The following AGAP1 variants were observed in gnomAD, a reference collection of about 807,000 sequenced individuals.
AGAP1 encodes arf-GAP with GTPase, ANK repeat and PH domain-containing protein 1.
AGAP1 carries 29 observed loss-of-function variants against 105.3 expected under a neutral mutation model. The observed-to-expected ratio is 0.28, with a 90% CI of 0.21 to 0.38. The LOEUF is 0.38. Ranked by LOEUF, AGAP1 falls within the 10% of genes least tolerant of loss-of-function variation. The pLI is 1.00. For synonymous variants in AGAP1, 509 were observed against 485.9 expected (o/e 1.05, Z -0.63); for missense variants, 998 against 1,165.1 (o/e 0.86, Z 2.09).
chr2:235,971,108 G>GAT lies in AGAP1; in HGVS notation c.1645+2486_1645+2487insTA, dbSNP rs1341996795. Among the ~76,000 whole-genome samples, 1 of 152,174 alleles carries GAT rather than the reference G, an allele frequency of 6.6e-6. No homozygotes were observed. Among genetic ancestry groups the GAT allele is most frequent in the Non-Finnish European group, 1.5e-5 (1 of 68,038 alleles). On this transcript the variant is annotated intron_variant, in intron 13 of 17. Coordinates refer to ENST00000304032, the MANE Select transcript of AGAP1 (RefSeq NM_001037131.3). The surrounding 1 kb of genome is among the most constrained non-coding windows in gnomAD (Gnocchi z 4.8). Reference sequence around the variant, plus strand: ...GGGAGCCACCTCACTCTCTAATTAGGAGAGTCTGGTCTCTACGTCAGCGGC... The same window carrying GAT: ...GGGAGCCACCTCACTCTCTAATTAGGATAGAGTCTGGTCTCTACGTCAGCGGC...
intron 1 of AGAP1, among the ~76,000 whole-genome samples, chr2:235,594,722 C>T (rs1370755571): frequency 6.6e-6 from 1 of 151,792 alleles, no homozygotes; most frequent in African/African-American, 2.4e-5. Flanking sequence ...CAGATGCATG[C>T]CACCACACCC....
intron 10 of AGAP1, among the ~76,000 whole-genome samples, chr2:235,899,132 T>C (rs1486200016): frequency 6.6e-6 from 1 of 152,220 alleles, no homozygotes; most frequent in Non-Finnish European, 1.5e-5. Context: ...AGTTTGTCCG[T>C]GTTACCTTAG....
In AGAP1 at chr2:236,020,904, A is replaced by C. The variant is rs1426525509; in HGVS notation, c.1646-15657A>C. On this transcript the variant is annotated intron_variant, in intron 13 of 17. Coordinates refer to ENST00000304032, the MANE Select transcript of AGAP1 (RefSeq NM_001037131.3). The surrounding 1 kb of genome is among the most constrained non-coding windows in gnomAD (Gnocchi z 5.0). ...AGGTAGGCCGGGCACAGTGGCTCACACCTATAATCCCAGCACTTTGGGAGG... is the reference window on the plus strand; with the variant it reads ...AGGTAGGCCGGGCACAGTGGCTCACCCCTATAATCCCAGCACTTTGGGAGG... Among the ~76,000 whole-genome samples the C allele has an allele frequency of 1.3e-5, 2 of 152,076 alleles. No homozygotes were observed. The highest frequency in any genetic ancestry group is 2.9e-5 in the Non-Finnish European group (2 of 68,022).
intron 9 of AGAP1, among the ~76,000 whole-genome samples, chr2:235,868,159 T>C (rs2106549219): frequency 6.6e-6 from 1 of 151,352 alleles, no homozygotes; most frequent in South Asian, 2.1e-4. Flanking sequence ...ATTAACAATA[T>C]TCACTGTAAA....
intron 13 of AGAP1, among the ~76,000 whole-genome samples, chr2:236,031,220 G>T (rs2057213471): frequency 6.6e-6 from 1 of 152,170 alleles, no homozygotes; most frequent in African/African-American, 2.4e-5. Flanking sequence ...CCCCTAAGAA[G>T]GAGGGAGGAG....
intron 1 of AGAP1, among the ~76,000 whole-genome samples, chr2:235,527,332 C>G (rs1158064597): frequency 1.3e-5 from 2 of 152,166 alleles, no homozygotes; most frequent in African/African-American, 2.4e-5. Flanking sequence ...CATTCCTGTG[C>G]CTGTCAGGGC....
In AGAP1 at chr2:235,562,365, C is replaced by T. The variant is rs1008111956; in HGVS notation, c.163+67516C>T. 2.4e-4 allele frequency among the ~76,000 whole-genome samples: 37 copies of T among 152,190 alleles called. 1 individual carries two copies. The South Asian group carries it at 3.1e-3, about 13-fold the overall frequency. ...CTTTTTTTGCACCACTTGGCACTAA[C>T]GGTGGGGAGAGATGGTTCCCCGAAG... is the stretch of plus-strand genomic sequence containing the variant. On this transcript the variant is annotated intron_variant, in intron 1 of 17. Transcript: ENST00000304032.
At position 235,744,407 on chromosome 2, in the gene AGAP1, G is replaced by T. The variant is rs960734718; in HGVS notation, c.397-291G>T. Among the ~76,000 whole-genome samples the T allele has an allele frequency of 6.6e-6, 1 of 152,208 alleles. No homozygotes were observed. The highest frequency in any genetic ancestry group is 1.5e-5 in the Non-Finnish European group (1 of 68,034). On this transcript the variant is annotated intron_variant, in intron 4 of 17. Coordinates refer to ENST00000304032, the MANE Select transcript of AGAP1 (RefSeq NM_001037131.3). The surrounding 1 kb of genome is among the most constrained non-coding windows in gnomAD (Gnocchi z 5.2). ...GGGGCAGCGGGCGGACAGGCCAGGAGCATGAGGACCGCGGGGACACTGTGT... is the reference window on the plus strand; with the variant it reads ...GGGGCAGCGGGCGGACAGGCCAGGATCATGAGGACCGCGGGGACACTGTGT...
chr2:235,840,358 A>G lies in AGAP1; in HGVS notation c.1050+33027A>G, dbSNP rs143788382. On this transcript the variant is annotated intron_variant, in intron 9 of 17. Coordinates refer to ENST00000304032, the MANE Select transcript of AGAP1 (RefSeq NM_001037131.3). The stretch of plus-strand genomic sequence containing the variant: ...TGGCTTAGAGACATAACACGGCGAC[A>G]TTTATGTAGGGGCAGAGAAGACAAG... 1.7e-3 allele frequency among the ~76,000 whole-genome samples: 264 copies of G among 152,360 alleles called. 1 individual carries two copies. Among genetic ancestry groups the G allele is most frequent in the African/African-American group, 6.1e-3 (252 of 41,582 alleles).
chr2:235,739,167 G>A lies in AGAP1; in HGVS notation c.311-1796G>A, dbSNP rs760474414. Among the ~76,000 whole-genome samples, 1 of 152,118 alleles carries A rather than the reference G, an allele frequency of 6.6e-6. No homozygotes were observed. The highest frequency in any genetic ancestry group is 1.5e-5 in the Non-Finnish European group (1 of 68,014). ...GCATCTGGGGACACTGAGATGGGGC[G>A]AGGTGGGGCAAGACTACACAGCTGT... On this transcript the variant is annotated intron_variant, in intron 3 of 17. Coordinates refer to ENST00000304032, the MANE Select transcript of AGAP1 (RefSeq NM_001037131.3). The surrounding 1 kb of genome is among the most constrained non-coding windows in gnomAD (Gnocchi z 5.3).
At chr2:235,587,598 T>C (rs1466310553) in intron 1 of AGAP1, among the ~76,000 whole-genome samples, 1 of 151,468 alleles carries the variant, frequency 6.6e-6, no homozygotes, top group African/African-American at 2.4e-5. Flanking sequence ...CTGAAAATAC[T>C]TAAAAAATTA....
In AGAP1 at chr2:235,953,845, C is replaced by G. The variant is rs377422358; in HGVS notation, c.1484-14617C>G. 6.6e-6 allele frequency among the ~76,000 whole-genome samples: 1 copy of G among 151,924 alleles called. No individual in the cohort carries two copies. Among genetic ancestry groups the G allele is most frequent in the East Asian group, 1.9e-4 (1 of 5,176 alleles). On this transcript the variant is annotated intron_variant, in intron 12 of 17. Coordinates refer to ENST00000304032, the MANE Select transcript of AGAP1 (RefSeq NM_001037131.3). This position sits in a 1 kb window ranked among gnomAD's most constrained non-coding sequence, Gnocchi z 5.2. ...GGCTGAGGCAGGAGGATCGCTGGAG[C>G]CCCAGGAGTTCAAGGCTGCAGTGAG... is the stretch of plus-strand genomic sequence containing the variant.
Position 236,040,683 on chromosome 2 carries a change from T to TG in AGAP1, c.1801-67dup. ...CCCAATCTGTTTGATCTTTCCCTGA[T>TG]GTTATCAGTGATGTGCGTTTCTCCC... On this transcript the variant is annotated intron_variant, in intron 14 of 17. Transcript: ENST00000304032. The surrounding 1 kb of genome is among the most constrained non-coding windows in gnomAD (Gnocchi z 5.6). 1 of 1,451,796 alleles carries TG rather than the reference T, an allele frequency of 6.9e-7. No homozygotes were observed. Among genetic ancestry groups the TG allele is most frequent in the Non-Finnish European group, 9.6e-7 (1 of 1,038,790 alleles). The allele number at this position is 1,451,796 out of a possible 1,614,324, so 89.9% of individuals were successfully genotyped here.
At position 236,046,084 on chromosome 2, in the gene AGAP1, G is replaced by A; in HGVS notation, c.1892-2975G>A. 1 of 464,160 alleles carries A rather than the reference G, an allele frequency of 2.2e-6. No individual in the cohort carries two copies. The highest frequency in any genetic ancestry group is 4.5e-6 in the Non-Finnish European group (1 of 221,558). The allele number at this position is 464,160 out of a possible 1,614,324, so 28.8% of individuals were successfully genotyped here. Reference sequence around the variant, plus strand: ...CGAGGGGCCAGCATGAGTGGCTTCTGTATCTGCAACCCACAGCGGCATGGA... The same window carrying A: ...CGAGGGGCCAGCATGAGTGGCTTCTATATCTGCAACCCACAGCGGCATGGA... On this transcript the variant is annotated intron_variant, in intron 15 of 17. Transcript: ENST00000304032. The surrounding 1 kb of genome is among the most constrained non-coding windows in gnomAD (Gnocchi z 5.2).
chr2:236,039,813 A>T (rs1012224639), intron 14 of AGAP1, among the ~76,000 whole-genome samples: 8 of 152,234 alleles, frequency 5.3e-5, no homozygotes, highest in Admixed American at 2.6e-4. Flanking sequence ...CAACAGGCTA[A>T]AAGAACAGAC....
chr2:235,924,720 T>C (rs1324505472), intron 11 of AGAP1, among the ~76,000 whole-genome samples: 3 of 152,140 alleles, frequency 2.0e-5, no homozygotes, highest in Non-Finnish European at 2.9e-5. Flanking sequence ...CAGTAACTCA[T>C]GTTGTAAGAG....
At chr2:235,704,940 G>A (rs1014570264) in intron 1 of AGAP1, among the ~76,000 whole-genome samples, 1 of 142,718 alleles carries the variant, frequency 7.0e-6, no homozygotes, top group Non-Finnish European at 1.5e-5. Flanking sequence ...TATCACCAAC[G>A]TCGATTGTAA....
In AGAP1 at chr2:236,014,355, G is replaced by A. The variant is rs750261742; in HGVS notation, c.1646-22206G>A. ...AAAACCTACCTTCTCCAACACATAG[G>A]CATGAACTGCTCATAACCAGGGTCT... is the stretch of plus-strand genomic sequence containing the variant. On this transcript the variant is annotated intron_variant, in intron 13 of 17. Coordinates refer to ENST00000304032, the MANE Select transcript of AGAP1 (RefSeq NM_001037131.3). The surrounding 1 kb of genome is among the most constrained non-coding windows in gnomAD (Gnocchi z 6.3). Among the ~76,000 whole-genome samples, 3 of 152,156 alleles carry A rather than the reference G, an allele frequency of 2.0e-5. No individual in the cohort carries two copies. Among genetic ancestry groups the A allele is most frequent in the Non-Finnish European group, 4.4e-5 (3 of 68,024 alleles).
In AGAP1 at chr2:236,005,535, T is replaced by C. The variant is rs1433442127; in HGVS notation, c.1646-31026T>C. On this transcript the variant is annotated intron_variant, in intron 13 of 17. Transcript: ENST00000304032. This position sits in a 1 kb window ranked among gnomAD's most constrained non-coding sequence, Gnocchi z 4.1. The stretch of plus-strand genomic sequence containing the variant: ...TGTTTTTATTAAAGTCCACACTTTA[T>C]TTGCATCTCTTTAGCTTTAACCTCA... Among the ~76,000 whole-genome samples, 2 of 152,216 alleles carry C rather than the reference T, an allele frequency of 1.3e-5. No individual in the cohort carries two copies. The highest frequency in any genetic ancestry group is 2.9e-5 in the Non-Finnish European group (2 of 68,032).
Sources: allele counts gnomAD v4.1 joint callset (sites outside exome capture counted in the v4.1 genomes callset), GRCh38; gene constraint gnomAD v4.1.1; non-coding constraint Gnocchi (gnomAD v3.1); transcripts MANE v1.5; gene names NCBI Gene and HGNC (gene_info 2026-07-23, HGNC 2026-07-21).